The following RNF125 variants were observed in gnomAD, a reference collection of about 807,000 sequenced individuals.
RNF125 encodes ring finger protein 125.
A neutral mutation model predicts 26.0 loss-of-function variants in RNF125; 21 were observed. The observed-to-expected ratio is 0.81, with a 90% CI of 0.57 to 1.16. The LOEUF is 1.16. RNF125 is among the 50% of genes most tolerant of loss of function. The pLI is 0.00. For missense variants in RNF125, 270 were observed against 299.4 expected (o/e 0.90, Z 0.72); for synonymous variants, 95 against 109.2 (o/e 0.87, Z 0.81).
At chr18:32,055,637 T>G (rs2039373263) in intron 4 of RNF125, among the ~76,000 whole-genome samples, 1 of 152,080 alleles carries the variant, frequency 6.6e-6, no homozygotes, top group Non-Finnish European at 1.5e-5. Context: ...ATGATTCAAT[T>G]ACCTACACCT....
chr18:32,036,557 A>G (rs866990550), intron 1 of RNF125, among the ~76,000 whole-genome samples: 6 of 135,024 alleles, frequency 4.4e-5, no homozygotes, highest in African/African-American at 1.5e-4. Flanking sequence ...TCTTGACCAG[A>G]AAGGAAGGAA....
chr18:32,019,175 C>T, intron 1 of RNF125, 148 bp downstream of exon 1: 1 of 937,572 alleles, frequency 1.1e-6, no homozygotes, highest in South Asian at 1.7e-5. Context: ...GGATGCAGGA[C>T]CACGGGGAAA....
At chr18:32,041,332 C>T (rs1034204427) in intron 2 of RNF125, among the ~76,000 whole-genome samples, 2 of 152,166 alleles carry the variant, frequency 1.3e-5, no homozygotes, top group East Asian at 3.9e-4. Context: ...TCATGTAATA[C>T]TGTTGGGTGT....
intron 1 of RNF125, among the ~76,000 whole-genome samples, chr18:32,032,022 C>G (rs1222401601): frequency 6.6e-6 from 1 of 151,920 alleles, no homozygotes; most frequent in Non-Finnish European, 1.5e-5. Flanking sequence ...GCCTCAGCTT[C>G]CCAAGTAGCT....
intron 1 of RNF125, among the ~76,000 whole-genome samples, chr18:32,023,841 G>A (rs953834483): frequency 2.0e-5 from 3 of 152,182 alleles, no homozygotes; most frequent in African/African-American, 7.2e-5. Context: ...AGGATGGCTT[G>A]AGACCAGCAG....
At chr18:32,038,353 A>G (rs1490329485) in intron 2 of RNF125, among the ~76,000 whole-genome samples, 7 of 152,152 alleles carry the variant, frequency 4.6e-5, no homozygotes, top group East Asian at 1.9e-4. Context: ...CCAGCCTCCA[A>G]TTTCATATAT....
chr18:32,065,887 CTTGT>C lies in RNF125; in HGVS notation c.505-8_505-5del, dbSNP rs778852510. 13 of 1,547,730 alleles carry C rather than the reference CTTGT, an allele frequency of 8.4e-6. No homozygotes were observed. In the Admixed American group the frequency reaches 1.5e-4, roughly 18 times the overall value. ...TTAAATTCTTTCTTGAACCCCTGGT[CTTGT>C]TTGTTTCCAGTTCTGTCCACTTTGC... On this transcript the variant is annotated splice_polypyrimidine_tract_variant and intron_variant, in intron 4 of 5. Transcript: ENST00000217740.
intron 4 of RNF125, among the ~76,000 whole-genome samples, chr18:32,058,914 T>A (rs1033997141): frequency 1.3e-5 from 2 of 152,176 alleles, no homozygotes; most frequent in Non-Finnish European, 2.9e-5. Flanking sequence ...TCACTTAACA[T>A]AATGTCCTCC....
rs1412222297 is a variant in RNF125, at chr18:32,070,607, T to TAA, written c.*2224_*2225insAA. 2 of 152,198 alleles carry TAA rather than the reference T, an allele frequency of 1.3e-5. No homozygotes were observed. The highest frequency in any genetic ancestry group is 6.5e-5 in the Admixed American group (1 of 15,282). The allele number at this position is 152,198 out of a possible 1,614,324, so 9.4% of individuals were successfully genotyped here. ...TCATTTCTTTTATTTATCTTACACT[T>TAA]ACAGCTGTCTCAGAATAACAATAGA... On this transcript the variant is annotated 3_prime_UTR_variant, in exon 6 of 6. Coordinates refer to ENST00000217740, the MANE Select transcript of RNF125 (RefSeq NM_017831.4).
the RNF125 span, among the ~76,000 whole-genome samples, chr18:32,081,784 T>C: frequency 2.6e-5 from 4 of 152,224 alleles, no homozygotes; most frequent in Non-Finnish European, 5.9e-5. Context: ...CTCTCATGAT[T>C]AGACCCAGAC....
chr18:32,022,542 G>A (rs1010088774), intron 1 of RNF125, among the ~76,000 whole-genome samples: 1 of 152,228 alleles, frequency 6.6e-6, no homozygotes, highest in Non-Finnish European at 1.5e-5. Context: ...AGGGCCAGAT[G>A]CTTGATGCTT....
rs779763691 is a variant in RNF125, at chr18:32,068,305, A to G, written c.620A>G (p.Asn207Ser). 3 of 1,536,494 alleles carry G rather than the reference A, an allele frequency of 2.0e-6. No homozygotes were observed. Among genetic ancestry groups the G allele is most frequent in the Admixed American group, 1.7e-5 (1 of 59,570 alleles). ...TATTTTTCTTTATTGTAGGATTTTA[A>G]TATAATTGAGGAAGCTCTTATCCGA... is the stretch of plus-strand genomic sequence containing the variant. ...TLFYDDFIDF[N>S]IIEEALIRRV... The change falls in exon 6 of 6, where the codon AAT (asparagine) becomes AGT (serine). Residue 207 changes from asparagine to serine, a missense_variant. By Grantham distance (46) the Asn-to-Ser change is conservative. Transcript: ENST00000217740.
At chr18:32,048,448 A>G (rs77567882) in intron 4 of RNF125, among the ~76,000 whole-genome samples, 1 of 122,322 alleles carries the variant, frequency 8.2e-6, no homozygotes, top group Non-Finnish European at 1.8e-5. Context: ...AAAAAAACCC[A>G]AAAAAACCTG....
downstream of RNF125, among the ~76,000 whole-genome samples, chr18:32,074,350 AGAC>A (rs954133079): frequency 2.4e-4 from 36 of 152,322 alleles, no homozygotes; most frequent in African/African-American, 8.7e-4. Flanking sequence ...CTCATGTAGA[AGAC>A]AACTGGATAC....
intron 4 of RNF125, among the ~76,000 whole-genome samples, chr18:32,061,664 G>C (rs2039436379): frequency 6.6e-6 from 1 of 152,148 alleles, no homozygotes; most frequent in Non-Finnish European, 1.5e-5. Flanking sequence ...CATTCTTCAA[G>C]ACCCACTTCA....
At position 32,039,292 on chromosome 18, in the gene RNF125, G is replaced by C. The variant is rs138312833; in HGVS notation, c.318+2023G>C. ...TACGCCTGTAGTCCTAGATACTCCAGAGGCTGAGTAGGAAGAGCGCTTGAG... is the reference window on the plus strand; with the variant it reads ...TACGCCTGTAGTCCTAGATACTCCACAGGCTGAGTAGGAAGAGCGCTTGAG... On this transcript the variant is annotated intron_variant, in intron 2 of 5. Transcript: ENST00000217740. Among the ~76,000 whole-genome samples the C allele has an allele frequency of 3.7e-4, 56 of 151,976 alleles. No homozygotes were observed. The Middle Eastern group carries it at 0.01, about 28-fold the overall frequency.
chr18:32,067,246 C>A (rs1395661459), intron 5 of RNF125, among the ~76,000 whole-genome samples: 1 of 152,166 alleles, frequency 6.6e-6, no homozygotes, highest in African/African-American at 2.4e-5. Flanking sequence ...GAGCGAGACT[C>A]CGTCTCAAGA....
At chr18:32,079,283 T>C in the RNF125 span, among the ~76,000 whole-genome samples, 1 of 152,210 alleles carries the variant, frequency 6.6e-6, no homozygotes. Flanking sequence ...TAATCTCCTC[T>C]GAGGGTTCCA....
the RNF125 span, among the ~76,000 whole-genome samples, chr18:32,080,124 G>T: frequency 6.6e-6 from 1 of 152,178 alleles, no homozygotes; most frequent in Non-Finnish European, 1.5e-5. Context: ...CGCCTCCTGG[G>T]ATCAAGCGAT....
Sources: gnomAD v4.1 joint callset for allele counts (sites outside exome capture counted in the v4.1 genomes callset) on GRCh38, gnomAD v4.1.1 for gene constraint, MANE v1.5 for transcripts, NCBI Gene and HGNC (gene_info 2026-07-23, HGNC 2026-07-21) for gene names.